Variants in PECAM1 observed in about 807,000 individuals in gnomAD.
PECAM1 encodes the protein platelet and endothelial cell adhesion molecule 1, also known as platelet endothelial cell adhesion molecule.
PECAM1 carries 8 observed loss-of-function variants against 13.8 expected under a neutral mutation model. That is an observed-to-expected ratio of 0.58 (90% confidence interval 0.34 to 1.05). The LOEUF (loss-of-function observed/expected upper bound fraction) is 1.05, where lower values mean the gene tolerates loss of function less well. Ranked by LOEUF, PECAM1 falls within the 50% of genes least tolerant of loss-of-function variation. The pLI is 0.03. For synonymous variants in PECAM1, 136 were observed against 52.6 expected, an observed-to-expected ratio of 2.58 and a Z score of -6.86; for missense variants, 304 against 141.2, an observed-to-expected ratio of 2.15 and a Z score of -5.84.
intron 14 of PECAM1, among the ~76,000 whole-genome samples, chr17:64,329,964 A>ATT (rs5821432): frequency 6.7e-6 from 1 of 149,410 alleles, no homozygotes; most frequent in African/African-American, 2.5e-5. Context: ...AATTTTCTTT[A>ATT]TTTTTTATTT....
At chr17:64,335,244 C>A (rs4968620) in intron 14 of PECAM1, among the ~76,000 whole-genome samples, 46,426 of 151,668 alleles carry the variant, frequency 0.31, 7,176 homozygotes, top group African/African-American at 0.35. Flanking sequence ...CCAGGGTCAC[C>A]CAGGCCACAG....
chr17:64,348,282 C>T lies in PECAM1; in HGVS notation c.2085G>A (p.Val695=), dbSNP rs2035631526. Residue 695 remains valine (V), a synonymous_variant, in exon 13 of 16, where the codon GTG becomes GTA. Transcript: ENST00000563924. ...TACCTTTGTGAGACTCAGCTGAGGA[C>T]ACTTGAACTTCCGTGTACTGCACGT... is the stretch of plus-strand genomic sequence containing the variant. ...NSDVQYTEVQ[V]SSAESHKDLG... is the part of the protein sequence containing the mutation. 6.3e-6 allele frequency: 3 copies of T among 475,292 alleles called. No individual in the cohort carries two copies. Among genetic ancestry groups the T allele is most frequent in the South Asian group, 6.7e-5 (1 of 14,880 alleles). 29.4% of individuals were successfully genotyped at this position (475,292 alleles called of 1,614,324 possible).
chr17:64,352,609 C>T, intron 10 of PECAM1, 146 bp from the exon 11 acceptor site: 1 of 382,186 alleles, frequency 2.6e-6, no homozygotes, highest in Non-Finnish European at 4.6e-6. Context: ...TTTACTCTCT[C>T]ATTTGGAAAA....
intron 3 of PECAM1, 93 bp from the exon 4 acceptor site, chr17:64,375,449 C>G (rs2036335160): frequency 2.5e-6 from 1 of 398,776 alleles, no homozygotes; most frequent in Admixed American, 4.4e-5. Flanking sequence ...CCTCCCTCCG[C>G]TGAGTGACTG....
At position 64,331,121 on chromosome 17, in the gene PECAM1, C is replaced by T. The variant is rs965034371; in HGVS notation, c.2165-1399G>A. ...GGAGGAGGCAGAAGCATTGCCAACG[C>T]TCTTAGCAGATCTGGGCAACTGTTT... On this transcript the variant is annotated intron_variant, in intron 14 of 15. Transcript: ENST00000563924. 2.0e-5 allele frequency among the ~76,000 whole-genome samples: 3 copies of T among 152,226 alleles called. No individual in the cohort carries two copies. In the East Asian group the frequency reaches 5.8e-4, roughly 29 times the overall value.
At chr17:64,336,117 A>T (rs1239600896) in intron 14 of PECAM1, among the ~76,000 whole-genome samples, 7 of 151,916 alleles carry the variant, frequency 4.6e-5, no homozygotes, top group Non-Finnish European at 1.0e-4. Flanking sequence ...TACAAAAAAA[A>T]TTACCCGGGC....
At chr17:64,369,622 T>C (rs1467753407) in intron 5 of PECAM1, 128 bp downstream of exon 5, 2 of 397,064 alleles carry the variant, frequency 5.0e-6, no homozygotes, top group African/African-American at 2.1e-5. Context: ...CAAAGCCCCA[T>C]CTGAGCACAT....
intron 5 of PECAM1, among the ~76,000 whole-genome samples, chr17:64,364,201 A>T (rs754950540): frequency 2.9e-4 from 44 of 152,152 alleles, no homozygotes; most frequent in Admixed American, 1.6e-3. Flanking sequence ...AACACCTCTA[A>T]GCAAATAAAC....
At chr17:64,349,896 C>CA (rs1222295338) in intron 12 of PECAM1, among the ~76,000 whole-genome samples, 21 of 151,428 alleles carry the variant, frequency 1.4e-4, no homozygotes, top group Admixed American at 2.0e-4. Flanking sequence ...AAGAAAAAAA[C>CA]AAAAAAAAGA....
At chr17:64,352,030 C>G in intron 11 of PECAM1, among the ~76,000 whole-genome samples, 1 of 152,136 alleles carries the variant, frequency 6.6e-6, no homozygotes, top group South Asian at 2.1e-4. Flanking sequence ...GTAATAATTC[C>G]ATCTGAGAAG....
intron 13 of PECAM1, among the ~76,000 whole-genome samples, chr17:64,343,272 C>A (rs910101416): frequency 6.6e-6 from 1 of 151,966 alleles, no homozygotes; most frequent in Non-Finnish European, 1.5e-5. Context: ...CTTCCTGGCC[C>A]CACACACACT....
In PECAM1 at chr17:64,319,932, A is replaced by G. The variant is rs1173995545; in HGVS notation, c.*3884T>C. ...GAGACAGTTTAACAACCACCTGACC[A>G]TCACCTGATGGTAGCCTGACATTCC... On this transcript the variant is annotated 3_prime_UTR_variant, in exon 16 of 16. Transcript: ENST00000563924. 1 of 152,124 alleles carries G rather than the reference A, an allele frequency of 6.6e-6. No homozygotes were observed. The highest frequency in any genetic ancestry group is 1.5e-5 in the Non-Finnish European group (1 of 68,026). The allele number at this position is 152,124 out of a possible 1,614,324, so 9.4% of individuals were successfully genotyped here.
intron 4 of PECAM1, 37 bp downstream of exon 4, chr17:64,375,014 C>T (rs2036325796): frequency 2.1e-6 from 1 of 470,088 alleles, no homozygotes; most frequent in Non-Finnish European, 3.9e-6. Flanking sequence ...AAACCAGAAA[C>T]CACAAAGAAC....
At chr17:64,385,547 T>C (rs73345162) in intron 2 of PECAM1, among the ~76,000 whole-genome samples, 5,662 of 105,514 alleles carry the variant, frequency 0.054, 345 homozygotes, top group African/African-American at 0.18. Flanking sequence ...CTCAAGCATC[T>C]CCAAGTTCAG....
At chr17:64,383,082 G>A (rs1320721990) in intron 2 of PECAM1, among the ~76,000 whole-genome samples, 2 of 152,060 alleles carry the variant, frequency 1.3e-5, no homozygotes, top group Non-Finnish European at 2.9e-5. Context: ...ACATTTTCAG[G>A]TTAATTTAAA....
chr17:64,355,998 G>T, intron 8 of PECAM1, 113 bp downstream of exon 8: 1 of 461,180 alleles, frequency 2.2e-6, no homozygotes. Context: ...TACTCTCCTA[G>T]CCTTCAGTCA....
chr17:64,322,773 T>A lies in PECAM1; in HGVS notation c.*1043A>T. The A allele has an allele frequency of 1.3e-6, 1 of 762,846 alleles. No homozygotes were observed. Among genetic ancestry groups the A allele is most frequent in the Non-Finnish European group, 1.6e-6 (1 of 626,586 alleles). 47.3% of individuals were successfully genotyped at this position (762,846 alleles called of 1,614,324 possible). On this transcript the variant is annotated 3_prime_UTR_variant, in exon 16 of 16. Transcript: ENST00000563924. ...CTCTGTCACTCAGGCTGGAGTGCAG[T>A]GGCGCGATCTCCGCTCACTACAACC...
intron 10 of PECAM1, among the ~76,000 whole-genome samples, 173 bp downstream of exon 10, chr17:64,353,306 TACACACACACAC>T (rs138867178): frequency 7.0e-5 from 2 of 28,384 alleles, no homozygotes; most frequent in African/African-American, 8.7e-5. Context: ...TCCACGGAGG[TACACACACACAC>T]ACACACACAC....
At chr17:64,334,505 C>G (rs1246952815) in intron 14 of PECAM1, among the ~76,000 whole-genome samples, 3 of 152,062 alleles carry the variant, frequency 2.0e-5, no homozygotes, top group Non-Finnish European at 4.4e-5. Context: ...CTACCCCACA[C>G]TGGGCCCCAA....
Sources: gnomAD v4.1 joint callset for allele counts (sites outside exome capture counted in the v4.1 genomes callset) on GRCh38, gnomAD v4.1.1 for gene constraint, MANE v1.5 for transcripts, NCBI Gene and HGNC (gene_info 2026-07-23, HGNC 2026-07-21) for gene names.